Variants in DKK3 observed in about 807,000 individuals in gnomAD.
DKK3 encodes the protein dickkopf-related protein 3.
A neutral mutation model predicts 33.2 loss-of-function variants in DKK3; 22 were observed. The observed-to-expected ratio is 0.66, with a 90% confidence interval of 0.47 to 0.95. The LOEUF (loss-of-function observed/expected upper bound fraction) is 0.95, where lower values mean the gene tolerates loss of function less well. Ranked by LOEUF, DKK3 falls within the 40% of genes least tolerant of loss-of-function variation. The probability of loss-of-function intolerance (pLI) is 0.00; values close to 1 mark genes in which losing one functional copy is unlikely to be tolerated. For missense variants in DKK3, 398 were observed against 458.4 expected (o/e 0.87, Z 1.20); for synonymous variants, 194 against 188.8 (o/e 1.03, Z -0.23).
At chr11:11,992,656 A>T (rs2135077675) in intron 3 of DKK3, among the ~76,000 whole-genome samples, 1 of 152,360 alleles carries the variant, frequency 6.6e-6, no homozygotes, top group Middle Eastern at 3.4e-3. Context: ...TCTCCCTGAC[A>T]AAGAAAAGAA....
At chr11:11,983,609 C>T (rs79388465) in intron 3 of DKK3, among the ~76,000 whole-genome samples, 291 of 152,350 alleles carry the variant, frequency 1.9e-3, no homozygotes, top group African/African-American at 6.6e-3. Flanking sequence ...ATGCTTCACG[C>T]AGCAGTTCAG....
chr11:12,003,273 C>T (rs1244208990), intron 1 of DKK3, among the ~76,000 whole-genome samples: 3 of 152,158 alleles, frequency 2.0e-5, no homozygotes, highest in Non-Finnish European at 2.9e-5. Flanking sequence ...GTAGGTAGGG[C>T]CACAGCTGTG....
At chr11:11,975,229 T>C (rs1847808451) in intron 3 of DKK3, among the ~76,000 whole-genome samples, 1 of 152,236 alleles carries the variant, frequency 6.6e-6, no homozygotes, top group African/African-American at 2.4e-5. Context: ...GTTTCGGATC[T>C]TCCACGCACA....
At chr11:11,990,918 C>G (rs1194652407) in intron 3 of DKK3, among the ~76,000 whole-genome samples, 1 of 152,194 alleles carries the variant, frequency 6.6e-6, no homozygotes, top group Non-Finnish European at 1.5e-5. Context: ...ATTCTACTTG[C>G]AAGATGATAC....
chr11:12,000,667 G>A (rs193168034), intron 2 of DKK3, among the ~76,000 whole-genome samples: 42 of 146,500 alleles, frequency 2.9e-4, no homozygotes, highest in African/African-American at 8.6e-4. Context: ...ACCATGCCTG[G>A]CTAAGGCTAA....
At chr11:11,989,589 AG>A (rs897116002) in intron 3 of DKK3, among the ~76,000 whole-genome samples, 16 of 152,152 alleles carry the variant, frequency 1.1e-4, no homozygotes, top group East Asian at 3.8e-4. Flanking sequence ...GGATTGCAGG[AG>A]GGGGGCATTG....
intron 3 of DKK3, chr11:11,998,160 T>C (rs1462327617): frequency 6.2e-6 from 1 of 161,050 alleles, no homozygotes; most frequent in Non-Finnish European, 1.3e-5. Context: ...GACTCTATAA[T>C]TCTGTGAAAT....
At chr11:12,001,469 T>G (rs1162853401) in intron 2 of DKK3, among the ~76,000 whole-genome samples, 2 of 152,210 alleles carry the variant, frequency 1.3e-5, no homozygotes, top group Non-Finnish European at 2.9e-5. Context: ...GGCTCTTTTG[T>G]GAAGCCGCTG....
intron 3 of DKK3, among the ~76,000 whole-genome samples, chr11:11,972,387 A>G (rs1048785142): frequency 6.6e-6 from 1 of 152,216 alleles, no homozygotes; most frequent in Admixed American, 6.5e-5. Context: ...CCTGGTCAGC[A>G]CTCGGGGATC....
At chr11:11,987,318 T>A (rs1848090971) in intron 3 of DKK3, among the ~76,000 whole-genome samples, 2 of 152,206 alleles carry the variant, frequency 1.3e-5, no homozygotes, top group Non-Finnish European at 2.9e-5. Context: ...CCCTGCTTCC[T>A]GAAAAAGGAA....
At chr11:12,003,649 G>C (rs1260320024) in intron 1 of DKK3, among the ~76,000 whole-genome samples, 2 of 152,022 alleles carry the variant, frequency 1.3e-5, no homozygotes, top group African/African-American at 4.8e-5. Flanking sequence ...CTCTCTCTAG[G>C]AATTTCAAAT....
chr11:11,966,856 C>T lies in DKK3; in HGVS notation c.673+98G>A, dbSNP rs1022534196. ...TTGGGAGCCTATCCAAGAGGTGGGA[C>T]GCGAAACCATGTGGTTGGCATGGAC... On this transcript the variant is annotated intron_variant, in intron 5 of 6. Transcript: ENST00000683431. The T allele has an allele frequency of 2.6e-5, 40 of 1,525,360 alleles. No homozygotes were observed. The East Asian group carries it at 5.2e-4, about 20-fold the overall frequency. 94.5% of individuals were successfully genotyped at this position (1,525,360 alleles called of 1,614,324 possible).
chr11:11,996,888 A>C (rs1848306498), intron 3 of DKK3, among the ~76,000 whole-genome samples: 2 of 152,242 alleles, frequency 1.3e-5, no homozygotes, highest in African/African-American at 4.8e-5. Flanking sequence ...CTCCCAGATG[A>C]GATCTGAAGA....
intron 3 of DKK3, among the ~76,000 whole-genome samples, chr11:11,985,635 T>C (rs1590528385): frequency 6.6e-6 from 1 of 152,210 alleles, no homozygotes; most frequent in Non-Finnish European, 1.5e-5. Flanking sequence ...AAATCCCAAC[T>C]CTGCCACTGA....
intron 3 of DKK3, among the ~76,000 whole-genome samples, chr11:11,992,520 T>C (rs779374460): frequency 7.2e-5 from 11 of 152,200 alleles, no homozygotes; most frequent in Non-Finnish European, 1.5e-4. Flanking sequence ...CCGCCTCACA[T>C]AGACATTGAG....
At chr11:11,965,141 A>G (rs1190060085) in intron 6 of DKK3, among the ~76,000 whole-genome samples, 1 of 152,198 alleles carries the variant, frequency 6.6e-6, no homozygotes, top group African/African-American at 2.4e-5. Context: ...TGTTTGGTAG[A>G]GACGGGATCT....
chr11:11,965,585 T>C (rs1465564832), intron 6 of DKK3, among the ~76,000 whole-genome samples: 1 of 152,140 alleles, frequency 6.6e-6, no homozygotes, highest in Non-Finnish European at 1.5e-5. Flanking sequence ...AGCCACCAGC[T>C]AGATGAGCCC....
At chr11:11,989,698 A>G (rs1031205981) in intron 3 of DKK3, among the ~76,000 whole-genome samples, 6 of 152,222 alleles carry the variant, frequency 3.9e-5, no homozygotes, top group Non-Finnish European at 7.3e-5. Context: ...ATGTGTCAAC[A>G]TTGTTAAGAT....
chr11:11,989,749 T>C (rs1848149959), intron 3 of DKK3, among the ~76,000 whole-genome samples: 1 of 152,260 alleles, frequency 6.6e-6, no homozygotes, highest in African/African-American at 2.4e-5. Flanking sequence ...ATTTTTTGTA[T>C]GTTGCATTAA....
Sources: allele counts gnomAD v4.1 joint callset (sites outside exome capture counted in the v4.1 genomes callset), GRCh38; gene constraint gnomAD v4.1.1; transcripts MANE v1.5; gene names NCBI Gene and HGNC (gene_info 2026-07-23, HGNC 2026-07-21).